The following KTN1 variants were observed in gnomAD, a reference collection of about 807,000 sequenced individuals.
KTN1 encodes the protein kinectin 1.
Under a neutral mutation model 222.5 loss-of-function variants are expected in KTN1, and 130 were observed. The ratio of observed to expected loss-of-function variants is 0.58; its 90% CI spans 0.51 to 0.68. KTN1 has a LOEUF of 0.68. KTN1 is among the 30% of genes least tolerant of loss of function. The pLI, the probability that KTN1 is intolerant of heterozygous loss-of-function variation, is 0.00. For missense variants in KTN1, 1,508 were observed against 1,500.4 expected (o/e 1.01, Z -0.08); for synonymous variants, 512 against 496.3 (o/e 1.03, Z -0.42).
intron 5 of KTN1, among the ~76,000 whole-genome samples, chr14:55,621,522 T>G (rs2039128178): frequency 6.6e-6 from 1 of 152,164 alleles, no homozygotes; most frequent in African/African-American, 2.4e-5. Flanking sequence ...AAGGCATGTC[T>G]TACATGGCAG....
At chr14:55,668,159 C>T (rs1159050984) in intron 34 of KTN1, 3 of 152,070 alleles carry the variant, frequency 2.0e-5, no homozygotes, top group South Asian at 2.1e-4. Context: ...TGTGATATTA[C>T]ACTTAAAAAT....
chr14:55,623,090 T>TA (rs2039372050), intron 5 of KTN1, among the ~76,000 whole-genome samples: 1 of 152,242 alleles, frequency 6.6e-6, no homozygotes, highest in Non-Finnish European at 1.5e-5. Flanking sequence ...CATTTTCTCA[T>TA]ATAAGGCTAA....
At chr14:55,618,723 C>T (rs552809805) in intron 4 of KTN1, among the ~76,000 whole-genome samples, 2 of 152,262 alleles carry the variant, frequency 1.3e-5, no homozygotes, top group South Asian at 2.1e-4. Flanking sequence ...ATTTGATCTT[C>T]ATAGAATCAG....
At chr14:55,639,317 G>T in intron 13 of KTN1, 95 bp downstream of exon 13, 1 of 668,068 alleles carries the variant, frequency 1.5e-6, no homozygotes, top group South Asian at 2.4e-5. Context: ...TACCTCTGAC[G>T]ACCTGTTCAG....
chr14:55,655,308 G>T (rs550792857), intron 28 of KTN1, among the ~76,000 whole-genome samples: 1 of 152,276 alleles, frequency 6.6e-6, no homozygotes, highest in East Asian at 1.9e-4. Flanking sequence ...TTAGCAATAT[G>T]CATTTGAGTT....
chr14:55,633,311 T>A lies in KTN1; in HGVS notation c.1298T>A (p.Val433Asp), dbSNP rs2040741483. The change falls in exon 8 of 44, where the codon GTC becomes GAC. Residue 433 changes from valine to aspartate, a missense_variant. By Grantham distance (152) the Val-to-Asp change is radical. Transcript: ENST00000395314. ...GAAAATGGTATACTGAGAGATGCAGTCAGCAACACTACAAATCAACTGGAA... is the reference window on the plus strand; with the variant it reads ...GAAAATGGTATACTGAGAGATGCAGACAGCAACACTACAAATCAACTGGAA... ...KQENGILRDA[V>D]SNTTNQLESK... The A allele has an allele frequency of 6.3e-7, 1 of 1,585,188 alleles. No individual in the cohort carries two copies. The highest frequency in any genetic ancestry group is 8.6e-7 in the Non-Finnish European group (1 of 1,165,132).
At chr14:55,641,882 T>G (rs922006001) in intron 18 of KTN1, 122 bp downstream of exon 18, 9 of 671,374 alleles carry the variant, frequency 1.3e-5, no homozygotes. Context: ...TGGCTGTTAT[T>G]GCCTTTCTAT....
chr14:55,649,004 T>C, intron 21 of KTN1, 134 bp downstream of exon 21: 1 of 633,532 alleles, frequency 1.6e-6, no homozygotes, highest in Non-Finnish European at 2.8e-6. Context: ...TAACTCACCG[T>C]AACCTCGAAC....
intron 24 of KTN1, chr14:55,651,650 ATTAG>A (rs916523898): frequency 6.2e-5 from 30 of 483,092 alleles, no homozygotes; most frequent in Non-Finnish European, 1.0e-4. Context: ...AAAGCATCAC[ATTAG>A]TTAGACTTAT....
In KTN1 at chr14:55,679,633, T is replaced by G. The variant is rs2046192258; in HGVS notation, c.4017T>G (p.Leu1339=). The G allele has an allele frequency of 1.2e-6, 2 of 1,613,654 alleles. No individual in the cohort carries two copies. Among genetic ancestry groups the G allele is most frequent in the Non-Finnish European group, 1.7e-6 (2 of 1,179,678 alleles). ...NQTVTQLQQL[L]QAVNQQLTKE... The stretch of plus-strand genomic sequence containing the variant: ...CTGTAACACAGTTACAGCAGTTGCT[T>G]CAGGCGGTAAACCAACAGCTCACAA... The change falls in exon 43 of 44, where the codon CTT becomes CTG. Residue 1339 remains leucine (L), a synonymous_variant. Coordinates refer to ENST00000395314, the MANE Select transcript of KTN1 (RefSeq NM_001079521.2).
At position 55,653,005 on chromosome 14, in the gene KTN1, ATTCTT is replaced by A; in HGVS notation, c.2695-9_2695-5del. ...TTGACTATCAATTTAATTTACACCT[ATTCTT>A]TTTAAGGATCTTCAAGAAGAAAATG... On this transcript the variant is annotated splice_polypyrimidine_tract_variant and splice_region_variant and intron_variant, in intron 26 of 43. Transcript: ENST00000395314. 6.3e-7 allele frequency: 1 copy of A among 1,595,364 alleles called. No individual in the cohort carries two copies. Among genetic ancestry groups the A allele is most frequent in the Non-Finnish European group, 8.6e-7 (1 of 1,164,678 alleles).
chr14:55,596,774 T>C (rs2035106044), intron 1 of KTN1, among the ~76,000 whole-genome samples: 6 of 152,134 alleles, frequency 3.9e-5, no homozygotes, highest in Admixed American at 3.9e-4. Context: ...TTTCCTATTA[T>C]TGCGAGTGAT....
intron 5 of KTN1, among the ~76,000 whole-genome samples, chr14:55,621,400 A>G (rs1011376717): frequency 6.6e-6 from 1 of 152,058 alleles, no homozygotes; most frequent in Non-Finnish European, 1.5e-5. Context: ...GTATTAGTCT[A>G]TTTTCACGTT....
At chr14:55,648,958 C>T in intron 21 of KTN1, 88 bp downstream of exon 21, 1 of 905,060 alleles carries the variant, frequency 1.1e-6, no homozygotes, top group Non-Finnish European at 1.7e-6. Context: ...CGGGGTCTTG[C>T]TCTTTTGCCC....
At chr14:55,631,880 TA>T (rs1251652167) in intron 7 of KTN1, among the ~76,000 whole-genome samples, 5 of 152,216 alleles carry the variant, frequency 3.3e-5, no homozygotes, top group Non-Finnish European at 7.3e-5. Context: ...TTATGGCTGA[TA>T]TTAATAGGTT....
intron 1 of KTN1, among the ~76,000 whole-genome samples, chr14:55,583,664 A>G (rs2032263565): frequency 6.6e-6 from 1 of 151,988 alleles, no homozygotes; most frequent in South Asian, 2.1e-4. Context: ...TTTTCTTTTT[A>G]TATTCCTCTG....
chr14:55,666,459 A>AT (rs1415239197), intron 33 of KTN1, among the ~76,000 whole-genome samples: 19 of 148,354 alleles, frequency 1.3e-4, no homozygotes, highest in East Asian at 2.0e-4. Flanking sequence ...GAAATGTTAC[A>AT]TTTTTGTTTT....
chr14:55,658,481 G>T, intron 29 of KTN1, 65 bp from the exon 30 acceptor site: 1 of 930,208 alleles, frequency 1.1e-6, no homozygotes, highest in Admixed American at 1.8e-5. Flanking sequence ...TTTCTAGCTT[G>T]TATGATCTAA....
intron 4 of KTN1, among the ~76,000 whole-genome samples, chr14:55,618,624 C>A (rs1282638423): frequency 6.6e-6 from 1 of 152,028 alleles, no homozygotes. Flanking sequence ...TTGTTAATGC[C>A]TAATACGAGA....
Sources: allele counts gnomAD v4.1 joint callset (sites outside exome capture counted in the v4.1 genomes callset), GRCh38; gene constraint gnomAD v4.1.1; transcripts MANE v1.5; gene names NCBI Gene and HGNC (gene_info 2026-07-23, HGNC 2026-07-21).